Variants in WDFY2 observed in about 807,000 individuals in gnomAD.
WDFY2 encodes the protein WD repeat and FYVE domain-containing protein 2.
In WDFY2, 36 loss-of-function variants were observed where a neutral mutation model predicts 56.4. The ratio of observed to expected loss-of-function variants is 0.64; its 90% CI spans 0.49 to 0.84. WDFY2 has a LOEUF of 0.84. Among genes scored for constraint, WDFY2 ranks in the 40% least tolerant of loss-of-function variants. The pLI is 0.00. For missense variants in WDFY2, 444 were observed against 512.2 expected (o/e 0.87, Z 1.29); for synonymous variants, 176 against 183.7 (o/e 0.96, Z 0.34).
rs145303293 is a variant in WDFY2, at chr13:51,726,144, C to T, written c.486-1534C>T. Among the ~76,000 whole-genome samples, 74 of 152,322 alleles carry T rather than the reference C, an allele frequency of 4.9e-4. 1 individual carries two copies. The highest frequency in any genetic ancestry group is 9.0e-4 in the Non-Finnish European group (61 of 68,028). ...AAATATGAGTGCATACATGCACATG[C>T]ACACACATACATACACATTTGTATT... On this transcript the variant is annotated intron_variant, in intron 5 of 11. Coordinates refer to ENST00000298125, the MANE Select transcript of WDFY2 (RefSeq NM_052950.4).
chr13:51,635,059 C>G (rs529489981), intron 1 of WDFY2, among the ~76,000 whole-genome samples: 3 of 152,300 alleles, frequency 2.0e-5, no homozygotes, highest in Non-Finnish European at 4.4e-5. Context: ...CTGCCTCAGC[C>G]TCCCGAGTAG....
intron 1 of WDFY2, among the ~76,000 whole-genome samples, chr13:51,654,567 A>G (rs1053309714): frequency 8.5e-5 from 13 of 152,080 alleles, no homozygotes; most frequent in African/African-American, 1.4e-4. Context: ...TTTTCCCCCA[A>G]TACCCTAACC....
At chr13:51,625,430 G>A (rs545462652) in intron 1 of WDFY2, among the ~76,000 whole-genome samples, 1 of 152,260 alleles carries the variant, frequency 6.6e-6, no homozygotes, top group African/African-American at 2.4e-5. Flanking sequence ...AAGGTGGGAA[G>A]GAATGTAGCT....
intron 1 of WDFY2, among the ~76,000 whole-genome samples, chr13:51,612,801 C>T (rs992193113): frequency 6.6e-6 from 1 of 152,162 alleles, no homozygotes; most frequent in East Asian, 1.9e-4. Flanking sequence ...ATTCTTTCTC[C>T]ACCTTCCTCC....
intron 6 of WDFY2, among the ~76,000 whole-genome samples, chr13:51,736,890 A>G (rs1952849578): frequency 6.6e-6 from 1 of 152,186 alleles, no homozygotes; most frequent in Admixed American, 6.5e-5. Flanking sequence ...CAATATTTCC[A>G]TGTTGATTCT....
chr13:51,738,909 G>T (rs1024798064), intron 6 of WDFY2, 140 bp from the exon 7 acceptor site: 36 of 1,109,758 alleles, frequency 3.2e-5, no homozygotes, highest in Non-Finnish European at 4.1e-5. Context: ...TCTCTTTGGG[G>T]ACTTACTTGA....
At chr13:51,603,132 C>T (rs1212261448) in intron 1 of WDFY2, among the ~76,000 whole-genome samples, 1 of 152,164 alleles carries the variant, frequency 6.6e-6, no homozygotes, top group Non-Finnish European at 1.5e-5. Context: ...ATTAATACGG[C>T]AAATGGAAAT....
At chr13:51,614,585 T>C (rs1190114394) in intron 1 of WDFY2, among the ~76,000 whole-genome samples, 1 of 152,132 alleles carries the variant, frequency 6.6e-6, no homozygotes, top group Non-Finnish European at 1.5e-5. Context: ...TTGCATCTGC[T>C]TTCCAGGCAG....
chr13:51,721,604 C>CTT (rs1206340972), intron 5 of WDFY2, among the ~76,000 whole-genome samples: 1 of 151,986 alleles, frequency 6.6e-6, no homozygotes, highest in Admixed American at 6.6e-5. Flanking sequence ...GATTGGGTAT[C>CTT]AGAAGCCTGT....
intron 1 of WDFY2, chr13:51,588,848 G>T (rs1953993225): frequency 6.6e-6 from 1 of 152,172 alleles, no homozygotes; most frequent in Non-Finnish European, 1.5e-5. Flanking sequence ...GAACCCTTTG[G>T]TTGAAAGATT....
At chr13:51,697,903 A>G (rs913441313) in intron 3 of WDFY2, among the ~76,000 whole-genome samples, 6 of 152,234 alleles carry the variant, frequency 3.9e-5, no homozygotes, top group African/African-American at 7.2e-5. Flanking sequence ...TAATTGTTCA[A>G]TATCTTCCAA....
intron 1 of WDFY2, among the ~76,000 whole-genome samples, chr13:51,658,396 G>A (rs879695352): frequency 6.6e-6 from 1 of 152,148 alleles, no homozygotes; most frequent in Non-Finnish European, 1.5e-5. Flanking sequence ...ATCTCTCAAT[G>A]AATTTCCAGA....
rs576478319 is a variant in WDFY2, at chr13:51,738,737, G to A, written c.599-312G>A. ...AAAATGTGGTTAATATTTCCAAACA[G>A]TGCAATATTTTCCATTCTTCTTAGA... is the stretch of plus-strand genomic sequence containing the variant. On this transcript the variant is annotated intron_variant, in intron 6 of 11. Transcript: ENST00000298125. 3.3e-5 allele frequency among the ~76,000 whole-genome samples: 5 copies of A among 152,294 alleles called. No individual in the cohort carries two copies. The South Asian group carries it at 6.2e-4, about 19-fold the overall frequency.
chr13:51,650,765 C>T lies in WDFY2; in HGVS notation c.138-9831C>T, dbSNP rs140032094. ...AGCCTTGCATCCCAGGGATGAAGCC[C>T]ACTTGATCATGGTGGATAAGCTTTT... On this transcript the variant is annotated intron_variant, in intron 1 of 11. Coordinates refer to ENST00000298125, the MANE Select transcript of WDFY2 (RefSeq NM_052950.4). Among the ~76,000 whole-genome samples, 430 of 152,182 alleles carry T rather than the reference C, an allele frequency of 2.8e-3. 2 individuals carry two copies. Among genetic ancestry groups the T allele is most frequent in the African/African-American group, 0.01 (418 of 41,492 alleles).
Position 51,644,322 on chromosome 13 carries a change from G to A in WDFY2, c.138-16274G>A, listed in dbSNP as rs185153801. On this transcript the variant is annotated intron_variant, in intron 1 of 11. Transcript: ENST00000298125. ...CATCTTTTCCTTCCCCCTCTCGAGG[G>A]TCTTACTACTGACTGCTTAAGACAA... Among the ~76,000 whole-genome samples, 7 of 152,274 alleles carry A rather than the reference G, an allele frequency of 4.6e-5. No homozygotes were observed. The East Asian group carries it at 1.3e-3, about 29-fold the overall frequency.
chr13:51,667,032 A>T (rs1955716489), intron 2 of WDFY2, among the ~76,000 whole-genome samples: 1 of 152,222 alleles, frequency 6.6e-6, no homozygotes, highest in East Asian at 1.9e-4. Flanking sequence ...ACTTTGGGCA[A>T]GTCCTTCACA....
At position 51,759,913 on chromosome 13, in the gene WDFY2, C is replaced by A; in HGVS notation, c.*144C>A. 2 of 836,604 alleles carry A rather than the reference C, an allele frequency of 2.4e-6. No individual in the cohort carries two copies. Among genetic ancestry groups the A allele is most frequent in the Non-Finnish European group, 3.8e-6 (2 of 526,862 alleles). 51.8% of individuals were successfully genotyped at this position (836,604 alleles called of 1,614,324 possible). A position where few individuals can be genotyped will look rare whatever the true frequency, so the allele number is the denominator to read the frequency against. The stretch of plus-strand genomic sequence containing the variant: ...AATGAATTTGCAGATTACCCATGTG[C>A]ACAGTGGGGACCTGGCCAGTGAGCA... On this transcript the variant is annotated 3_prime_UTR_variant, in exon 12 of 12. Coordinates refer to ENST00000298125, the MANE Select transcript of WDFY2 (RefSeq NM_052950.4).
rs1020806837 is a variant in WDFY2, at chr13:51,662,556, CT to C, written c.205+1894del. ...TAATTGCTAACTCATTCCCTTTCCC[CT>C]ATACAAATACACATACATTTTGGTG... is the stretch of plus-strand genomic sequence containing the variant. On this transcript the variant is annotated intron_variant, in intron 2 of 11. Coordinates refer to ENST00000298125, the MANE Select transcript of WDFY2 (RefSeq NM_052950.4). Among the ~76,000 whole-genome samples the C allele has an allele frequency of 9.8e-5, 15 of 152,302 alleles. No homozygotes were observed. In the South Asian group the frequency reaches 1.5e-3, roughly 15 times the overall value.
chr13:51,704,600 C>G (rs937464643), intron 4 of WDFY2, among the ~76,000 whole-genome samples: 2 of 152,180 alleles, frequency 1.3e-5, no homozygotes, highest in Non-Finnish European at 2.9e-5. Flanking sequence ...TTTAAAACAG[C>G]AGTGAAAGTT....
Sources: allele counts gnomAD v4.1 joint callset (sites outside exome capture counted in the v4.1 genomes callset), GRCh38; gene constraint gnomAD v4.1.1; transcripts MANE v1.5; gene names NCBI Gene and HGNC (gene_info 2026-07-23, HGNC 2026-07-21).